The following PDE10A variants were observed in gnomAD, a reference collection of about 807,000 sequenced individuals.
PDE10A encodes the protein cAMP and cAMP-inhibited cGMP 3',5'-cyclic phosphodiesterase 10A.
A neutral mutation model predicts 97.7 loss-of-function variants in PDE10A; 39 were observed. The observed-to-expected ratio is 0.40, with a 90% CI of 0.31 to 0.52. PDE10A has a LOEUF of 0.52. Among genes scored for constraint, PDE10A ranks in the 20% least tolerant of loss-of-function variants. The pLI is 0.56. For synonymous variants in PDE10A, 371 were observed against 376.8 expected, an observed-to-expected ratio of 0.98 and a Z score of 0.18; for missense variants, 731 against 1,047.8, an observed-to-expected ratio of 0.70 and a Z score of 4.17.
chr6:165,885,028 C>A (rs1197065760), intron 1 of PDE10A, among the ~76,000 whole-genome samples: 1 of 152,088 alleles, frequency 6.6e-6, no homozygotes, highest in Non-Finnish European at 1.5e-5. Flanking sequence ...CACGCCCCTG[C>A]CGCCGTTTAC....
intron 1 of PDE10A, among the ~76,000 whole-genome samples, chr6:165,969,290 C>A (rs549612882): frequency 6.6e-6 from 1 of 152,162 alleles, no homozygotes; most frequent in Non-Finnish European, 1.5e-5. Flanking sequence ...AGATAAGCAG[C>A]TCTGCCAAAG....
chr6:165,698,182 G>C (rs182365333), intron 1 of PDE10A, among the ~76,000 whole-genome samples: 1 of 152,154 alleles, frequency 6.6e-6, no homozygotes, highest in Non-Finnish European at 1.5e-5. Context: ...AGACTATTCA[G>C]TAATAATACT....
intron 16 of PDE10A, among the ~76,000 whole-genome samples, chr6:165,390,608 G>T (rs189700136): frequency 6.6e-6 from 1 of 152,298 alleles, no homozygotes. Context: ...TCTCCAAGAG[G>T]TGGAGGCGAC....
intron 8 of PDE10A, 27 bp from the exon 9 acceptor site, chr6:165,430,372 TA>T: frequency 7.0e-7 from 1 of 1,421,354 alleles, no homozygotes; most frequent in Non-Finnish European, 9.8e-7. Flanking sequence ...TAGGTACAAT[TA>T]CAAGAGATTT....
At position 165,328,547 on chromosome 6, in the gene PDE10A, T is replaced by C. The variant is rs1051151265; in HGVS notation, c.*4478A>G. 3.3e-5 allele frequency: 5 copies of C among 152,242 alleles called. No individual in the cohort carries two copies. The highest frequency in any genetic ancestry group is 2.6e-4 in the Admixed American group (4 of 15,288). 9.4% of individuals were successfully genotyped at this position (152,242 alleles called of 1,614,324 possible). On this transcript the variant is annotated 3_prime_UTR_variant, in exon 22 of 22. Coordinates refer to ENST00000539869, the MANE Select transcript of PDE10A (RefSeq NM_001385079.1). ...GGGCCACACCTGGCCCTGTGTGCCA[T>C]TGATTAGTTTTCTCCCACTTGCAGG...
At chr6:165,372,025 C>A (rs1784291711) in intron 18 of PDE10A, among the ~76,000 whole-genome samples, 1 of 150,638 alleles carries the variant, frequency 6.6e-6, no homozygotes, top group Non-Finnish European at 1.5e-5. Context: ...CAAAATTCAA[C>A]AACCCTTCAT....
intron 1 of PDE10A, among the ~76,000 whole-genome samples, chr6:165,575,291 G>T (rs1785246896): frequency 6.6e-6 from 1 of 152,114 alleles, no homozygotes; most frequent in Non-Finnish European, 1.5e-5. Context: ...CCTCTTAGAT[G>T]GCTCCCTATA....
intron 1 of PDE10A, among the ~76,000 whole-genome samples, chr6:165,876,051 C>T (rs1196696836): frequency 2.0e-5 from 3 of 152,152 alleles, no homozygotes; most frequent in African/African-American, 7.2e-5. Context: ...TAAAATGAGT[C>T]TTACACATTT....
intron 18 of PDE10A, among the ~76,000 whole-genome samples, chr6:165,359,831 G>A (rs1056289486): frequency 6.6e-6 from 1 of 151,724 alleles, no homozygotes; most frequent in Non-Finnish European, 1.5e-5. Context: ...GTTTACCAGT[G>A]CATTACAAAC....
At chr6:165,495,655 A>C (rs1780492560) in intron 2 of PDE10A, among the ~76,000 whole-genome samples, 1 of 152,176 alleles carries the variant, frequency 6.6e-6, no homozygotes, top group African/African-American at 2.4e-5. Flanking sequence ...TTCTTACAAA[A>C]TAATAAATTC....
At chr6:165,398,056 A>T (rs1562421861) in intron 13 of PDE10A, among the ~76,000 whole-genome samples, 2 of 152,230 alleles carry the variant, frequency 1.3e-5, no homozygotes, top group Non-Finnish European at 2.9e-5. Flanking sequence ...TGAAAGTACT[A>T]TATTTAAATG....
chr6:165,350,592 T>C (rs1359066957), intron 18 of PDE10A, among the ~76,000 whole-genome samples: 6 of 152,144 alleles, frequency 3.9e-5, no homozygotes, highest in Non-Finnish European at 8.8e-5. Context: ...ATTGTGAGGA[T>C]ATGAGATCTG....
At chr6:165,860,086 C>T (rs1780856510) in intron 1 of PDE10A, among the ~76,000 whole-genome samples, 1 of 152,134 alleles carries the variant, frequency 6.6e-6, no homozygotes, top group Non-Finnish European at 1.5e-5. Context: ...AAATTGGGTC[C>T]AGTGTATACT....
chr6:165,917,138 G>C (rs935937138), intron 1 of PDE10A, among the ~76,000 whole-genome samples: 1 of 151,954 alleles, frequency 6.6e-6, no homozygotes, highest in Non-Finnish European at 1.5e-5. Flanking sequence ...GTGGTTGCCG[G>C]CTCCAGACTC....
chr6:165,715,136 G>A (rs1361046396), intron 1 of PDE10A, among the ~76,000 whole-genome samples: 1 of 152,244 alleles, frequency 6.6e-6, no homozygotes, highest in Non-Finnish European at 1.5e-5. Context: ...AGGGCTCAGT[G>A]ACCAGGTGCG....
chr6:165,662,054 A>C lies in PDE10A; in HGVS notation c.758T>G (p.Phe253Cys). The stretch of plus-strand genomic sequence containing the variant: ...CAGCGCGGCCGCGGCGGCGAGGGCG[A>C]AGCTGGCGCCCTGGGGACGCCGCGG... ...QTPRRPQGASFALAAAAALLF... is the reference protein window; with the variant it reads ...QTPRRPQGASCALAAAAALLF... Residue 253 changes from phenylalanine to cysteine, a missense_variant, in exon 1 of 22, where the codon TTC (phenylalanine) becomes TGC (cysteine). Phe to Cys is a radical substitution (Grantham distance 205). Coordinates refer to ENST00000539869, the MANE Select transcript of PDE10A (RefSeq NM_001385079.1). The C allele has an allele frequency of 6.9e-7, 1 of 1,456,362 alleles. No individual in the cohort carries two copies. The highest frequency in any genetic ancestry group is 9.1e-7 in the Non-Finnish European group (1 of 1,095,858). The allele number at this position is 1,456,362 out of a possible 1,614,324, so 90.2% of individuals were successfully genotyped here. A position where few individuals can be genotyped will look rare whatever the true frequency, so the allele number is the denominator to read the frequency against.
At chr6:165,925,042 T>C (rs940411698) in intron 1 of PDE10A, among the ~76,000 whole-genome samples, 3 of 152,216 alleles carry the variant, frequency 2.0e-5, no homozygotes, top group Non-Finnish European at 4.4e-5. Flanking sequence ...ATCTAGAACC[T>C]ATAATGAATT....
At chr6:165,923,277 C>G (rs1352008938) in intron 1 of PDE10A, among the ~76,000 whole-genome samples, 1 of 152,100 alleles carries the variant, frequency 6.6e-6, no homozygotes, top group Non-Finnish European at 1.5e-5. Flanking sequence ...CATAATTATC[C>G]CTGGGAAATA....
chr6:165,365,880 T>A (rs1280980924), intron 18 of PDE10A, among the ~76,000 whole-genome samples: 3 of 152,148 alleles, frequency 2.0e-5, no homozygotes, highest in Non-Finnish European at 4.4e-5. Flanking sequence ...TAGCAAATTA[T>A]AATGTACAAA....
Sources: allele counts gnomAD v4.1 joint callset (sites outside exome capture counted in the v4.1 genomes callset), GRCh38; gene constraint gnomAD v4.1.1; transcripts MANE v1.5; gene names NCBI Gene and HGNC (gene_info 2026-07-23, HGNC 2026-07-21).